Variants in DLGAP2 observed in about 807,000 individuals in gnomAD.
The protein encoded by DLGAP2 is DLG associated protein 2.
Under a neutral mutation model 100.3 loss-of-function variants are expected in DLGAP2, and 26 were observed. The ratio of observed to expected loss-of-function variants is 0.26; its 90% CI spans 0.19 to 0.36. The LOEUF is 0.36. Ranked by LOEUF, DLGAP2 falls within the 10% of genes least tolerant of loss-of-function variation. The pLI is 1.00. For missense variants in DLGAP2, 1,858 were observed against 1,453.2 expected (o/e 1.28, Z -4.53); for synonymous variants, 886 against 630.1 (o/e 1.41, Z -6.08).
intron 2 of DLGAP2, among the ~76,000 whole-genome samples, chr8:1,022,887 T>A (rs921542469): frequency 2.6e-5 from 4 of 152,220 alleles, no homozygotes; most frequent in African/African-American, 7.2e-5. Flanking sequence ...GAGTGTTGTC[T>A]TTGCACTGAA....
chr8:1,690,505 G>C (rs942833720), intron 12 of DLGAP2, among the ~76,000 whole-genome samples: 1 of 150,570 alleles, frequency 6.6e-6, no homozygotes, highest in African/African-American at 2.4e-5. Flanking sequence ...GGGAGTTCGA[G>C]ACCAGCCTGA....
intron 2 of DLGAP2, among the ~76,000 whole-genome samples, chr8:1,171,173 T>G (rs1247513519): frequency 2.0e-5 from 3 of 152,226 alleles, no homozygotes; most frequent in Non-Finnish European, 4.4e-5. Flanking sequence ...TTGTTCAGTT[T>G]CCATGTAGTT....
At chr8:1,292,163 G>C (rs964469461) in intron 3 of DLGAP2, among the ~76,000 whole-genome samples, 2 of 152,174 alleles carry the variant, frequency 1.3e-5, no homozygotes, top group Admixed American at 1.3e-4. Context: ...CGCTGGCTTT[G>C]GGGGGAAGCA....
chr8:800,739 TATGTGC>T (rs959817588), intron 1 of DLGAP2, among the ~76,000 whole-genome samples: 2 of 152,188 alleles, frequency 1.3e-5, no homozygotes, highest in Admixed American at 1.3e-4. Flanking sequence ...TGTGTATGTG[TATGTGC>T]ATGTGTGCAT....
chr8:756,386 GA>G (rs1256297981), intron 1 of DLGAP2, among the ~76,000 whole-genome samples: 1 of 152,208 alleles, frequency 6.6e-6, no homozygotes, highest in Non-Finnish European at 1.5e-5. Flanking sequence ...AGAAACCATG[GA>G]GCTGACATTG....
intron 2 of DLGAP2, among the ~76,000 whole-genome samples, chr8:1,022,095 GC>G (rs1409456408): frequency 6.6e-6 from 1 of 152,176 alleles, no homozygotes; most frequent in African/African-American, 2.4e-5. Context: ...GTGCAGAGAA[GC>G]CCAGACAGCA....
intron 1 of DLGAP2, among the ~76,000 whole-genome samples, chr8:839,414 A>G (rs941172978): frequency 3.9e-5 from 6 of 152,244 alleles, no homozygotes; most frequent in African/African-American, 1.4e-4. Context: ...AAAGACAAAG[A>G]CATTTCTGTC....
chr8:1,507,083 C>T (rs1799946513), intron 4 of DLGAP2, among the ~76,000 whole-genome samples: 2 of 152,262 alleles, frequency 1.3e-5, no homozygotes, highest in Admixed American at 1.3e-4. Flanking sequence ...CCCCACCGGA[C>T]TCAGGAGCCC....
intron 4 of DLGAP2, among the ~76,000 whole-genome samples, chr8:1,546,380 C>T (rs758339907): frequency 1.1e-4 from 16 of 152,200 alleles, no homozygotes; most frequent in African/African-American, 2.2e-4. Context: ...GAAATCTTTA[C>T]GTTCCCTTCT....
rs867591415 is a variant in DLGAP2, at chr8:1,249,291, C to G, written c.74-9560C>G. Among the ~76,000 whole-genome samples the G allele has an allele frequency of 2.6e-5, 4 of 152,084 alleles. No homozygotes were observed. In the South Asian group the frequency reaches 8.3e-4, roughly 31 times the overall value. On this transcript the variant is annotated intron_variant, in intron 2 of 14. Transcript: ENST00000637795. ...GGGCCACTGGGCCTCTCTGTGGGTC[C>G]CGTGGGAAGGTCTCAGCCTGCATGA... is the stretch of plus-strand genomic sequence containing the variant.
intron 2 of DLGAP2, among the ~76,000 whole-genome samples, chr8:1,238,409 A>G (rs1798711616): frequency 1.2e-5 from 1 of 83,886 alleles, no homozygotes; most frequent in Non-Finnish European, 2.4e-5. Flanking sequence ...CGCCATGTCT[A>G]GTTATCTCAC....
chr8:760,889 G>A (rs78272413), intron 1 of DLGAP2, among the ~76,000 whole-genome samples: 12,390 of 152,198 alleles, frequency 0.081, 806 homozygotes, highest in East Asian at 0.35. Flanking sequence ...CCACCATGCT[G>A]CGGGAGACCC....
chr8:1,365,925 A>T (rs1802098359), intron 3 of DLGAP2, among the ~76,000 whole-genome samples: 1 of 152,240 alleles, frequency 6.6e-6, no homozygotes, highest in Admixed American at 6.5e-5. Flanking sequence ...GGCAGAAGCC[A>T]CATGCCTGTA....
intron 2 of DLGAP2, among the ~76,000 whole-genome samples, chr8:978,617 A>T (rs56773965): frequency 4.5e-3 from 185 of 41,040 alleles, no homozygotes; most frequent in Non-Finnish European, 6.5e-3. Context: ...GTCTTTGGTG[A>T]CGTGGGGAGG....
intron 2 of DLGAP2, among the ~76,000 whole-genome samples, chr8:1,040,495 C>T (rs571633031): frequency 9.5e-5 from 14 of 147,188 alleles, no homozygotes; most frequent in Admixed American, 2.0e-4. Flanking sequence ...TTTCCGTGGT[C>T]GTCTCGGTGT....
chr8:1,306,871 C>G (rs1374164877), intron 3 of DLGAP2, among the ~76,000 whole-genome samples: 1 of 152,056 alleles, frequency 6.6e-6, no homozygotes, highest in Admixed American at 6.5e-5. Flanking sequence ...GAACTCATAC[C>G]TTATACCACA....
intron 1 of DLGAP2, among the ~76,000 whole-genome samples, chr8:778,876 G>A (rs887090217): frequency 6.6e-6 from 1 of 152,230 alleles, no homozygotes; most frequent in Non-Finnish European, 1.5e-5. Flanking sequence ...CACCCAGTTC[G>A]AGCTTCCCGG....
chr8:1,102,314 T>C (rs1163725032), intron 2 of DLGAP2, among the ~76,000 whole-genome samples: 2 of 144,604 alleles, frequency 1.4e-5, no homozygotes, highest in Non-Finnish European at 3.1e-5. Flanking sequence ...TATAATTACA[T>C]AATAATATAT....
chr8:984,163 A>C (rs993694986), intron 2 of DLGAP2, among the ~76,000 whole-genome samples: 1 of 152,126 alleles, frequency 6.6e-6, no homozygotes, highest in Non-Finnish European at 1.5e-5. Context: ...TATGGAAAGA[A>C]TCTTGAATTG....
Sources: allele counts gnomAD v4.1 joint callset (sites outside exome capture counted in the v4.1 genomes callset), GRCh38; gene constraint gnomAD v4.1.1; transcripts MANE v1.5; gene names NCBI Gene and HGNC (gene_info 2026-07-23, HGNC 2026-07-21).